Variants in COL6A5 observed in about 807,000 individuals in gnomAD.
COL6A5 encodes the protein collagen type VI alpha 5 chain, also known as collagen alpha-5(VI) chain.
Under a neutral mutation model 65.6 loss-of-function variants are expected in COL6A5, and 48 were observed. That is an observed-to-expected ratio of 0.73 (90% CI 0.58 to 0.93). The LOEUF (loss-of-function observed/expected upper bound fraction) is 0.93, where lower values mean the gene tolerates loss of function less well. COL6A5 is among the 40% of genes least tolerant of loss of function. The pLI is 0.00. For missense variants in COL6A5, 914 were observed against 928.3 expected, an observed-to-expected ratio of 0.98 and a Z score of 0.20; for synonymous variants, 291 against 322.8, an observed-to-expected ratio of 0.90 and a Z score of 1.05.
At chr3:130,418,956 C>T in intron 25 of COL6A5, 25 bp downstream of exon 25, 1 of 1,542,132 alleles carries the variant, frequency 6.5e-7, no homozygotes, top group Non-Finnish European at 8.8e-7. Context: ...AGTCCCTACC[C>T]TCCCCAGATC....
chr3:130,470,784 C>A, intron 6 of COL6A5, 87 bp from the exon 39 acceptor site: 1 of 930,014 alleles, frequency 1.1e-6, no homozygotes, highest in Non-Finnish European at 1.7e-6. Context: ...AAAACACTGC[C>A]AACCACGTGA....
chr3:130,399,818 T>C (rs1007478797), intron 10 of COL6A5, among the ~76,000 whole-genome samples: 1 of 152,000 alleles, frequency 6.6e-6, no homozygotes, highest in African/African-American at 2.4e-5. Context: ...AGTGACACAA[T>C]CTCAGCTCGC....
At chr3:130,365,703 G>A (rs1268036151) in intron 1 of COL6A5, among the ~76,000 whole-genome samples, 1 of 152,144 alleles carries the variant, frequency 6.6e-6, no homozygotes, top group Non-Finnish European at 1.5e-5. Flanking sequence ...GTACCTCTGT[G>A]TTTTCTGTAG....
rs561210927 is a variant in COL6A5 at position 130,469,482 on chromosome 3, G to A, written c.2231+1G>A. On this transcript the variant is annotated splice_donor_variant, in intron 6 of 7. Transcript: ENST00000512836. LOFTEE classifies it high-confidence loss of function. Reference sequence around the variant, plus strand: ...AAGCCATTTGTCCATTTAATCAGACGTAAGTCATTAATTCTCTTTGATTGC... The same window carrying A: ...AAGCCATTTGTCCATTTAATCAGACATAAGTCATTAATTCTCTTTGATTGC... 1.5e-5 allele frequency: 24 copies of A among 1,604,380 alleles called. No individual in the cohort carries two copies. Among genetic ancestry groups the A allele is most frequent in the East Asian group, 6.7e-5 (3 of 44,702 alleles).
chr3:130,433,518 G>A (rs777669934), intron 1 of COL6A5, among the ~76,000 whole-genome samples: 14 of 152,166 alleles, frequency 9.2e-5, no homozygotes, highest in Middle Eastern at 3.4e-3. Context: ...TGCATATCAC[G>A]CCTTGAGCAG....
intron 4 of COL6A5, among the ~76,000 whole-genome samples, chr3:130,453,462 G>A (rs1323975968): frequency 2.6e-5 from 4 of 151,988 alleles, no homozygotes; most frequent in Non-Finnish European, 4.4e-5. Flanking sequence ...CACTGCTGAG[G>A]CACTTATTAC....
At chr3:130,414,731 A>G (rs554877955) in intron 22 of COL6A5, among the ~76,000 whole-genome samples, 1 of 152,090 alleles carries the variant, frequency 6.6e-6, no homozygotes, top group Non-Finnish European at 1.5e-5. Flanking sequence ...TAGTCATCTT[A>G]TGAAGCCCAC....
chr3:130,405,770 C>A, intron 14 of COL6A5, 111 bp downstream of exon 14: 1 of 997,052 alleles, frequency 1.0e-6, no homozygotes, highest in Non-Finnish European at 1.5e-6. Flanking sequence ...TCTCTCTTTT[C>A]CTTTCTCCAG....
chr3:130,473,141 AAATGGAATAGGCCC>A (rs1346392355), intron 7 of COL6A5, among the ~76,000 whole-genome samples: 1 of 151,970 alleles, frequency 6.6e-6, no homozygotes, highest in East Asian at 1.9e-4. Flanking sequence ...TTTTGTTTCA[AAATGGAATAGGCCC>A]ATGTCACTTA....
At chr3:130,443,382 A>T in intron 3 of COL6A5, 94 bp from the exon 36 acceptor site, 1 of 904,048 alleles carries the variant, frequency 1.1e-6, no homozygotes, top group Non-Finnish European at 1.8e-6. Context: ...TAGTGACATT[A>T]GTTGCTTCAA....
chr3:130,346,831 A>G (rs1934495708), intron 1 of COL6A5, among the ~76,000 whole-genome samples: 2 of 152,246 alleles, frequency 1.3e-5, no homozygotes, highest in South Asian at 4.1e-4. Flanking sequence ...TGGAAGATAT[A>G]TATTTACTTT....
rs574872724 is a variant in COL6A5 at position 130,381,765 on chromosome 3, A to G, written c.1300+1715A>G. 2.0e-5 allele frequency among the ~76,000 whole-genome samples: 3 copies of G among 152,208 alleles called. No homozygotes were observed. The South Asian group carries it at 6.2e-4, about 32-fold the overall frequency. ...GAATTTTAATGTTCCAATGATATTAAAGGCTAATTTTGAACTCAGACCAGC... is the reference window on the plus strand; with the variant it reads ...GAATTTTAATGTTCCAATGATATTAGAGGCTAATTTTGAACTCAGACCAGC... On this transcript the variant is annotated intron_variant and NMD_transcript_variant, in intron 4 of 41. Transcript: ENST00000312481.
intron 17 of COL6A5, among the ~76,000 whole-genome samples, chr3:130,407,302 A>G (rs930725842): frequency 6.6e-6 from 1 of 152,170 alleles, no homozygotes; most frequent in African/African-American, 2.4e-5. Flanking sequence ...GAAGAGATCA[A>G]GAGATTGGGA....
chr3:130,354,044 G>C (rs1220074733), intron 1 of COL6A5, among the ~76,000 whole-genome samples: 1 of 148,210 alleles, frequency 6.7e-6, no homozygotes. Flanking sequence ...AGTAGAGAAA[G>C]CAAGAAAAGC....
At chr3:130,369,806 C>T (rs1935483283) in intron 1 of COL6A5, among the ~76,000 whole-genome samples, 1 of 152,192 alleles carries the variant, frequency 6.6e-6, no homozygotes, top group African/African-American at 2.4e-5. Context: ...AATAGCAAGG[C>T]CAGCTGATTG....
chr3:130,405,227 C>G (rs1449503799), intron 13 of COL6A5, among the ~76,000 whole-genome samples: 1 of 152,198 alleles, frequency 6.6e-6, no homozygotes, highest in African/African-American at 2.4e-5. Context: ...GTCAGCAATG[C>G]TGACTCTCCC....
At chr3:130,467,252 G>T (rs892981978) in intron 5 of COL6A5, among the ~76,000 whole-genome samples, 1 of 151,888 alleles carries the variant, frequency 6.6e-6, no homozygotes, top group East Asian at 1.9e-4. Flanking sequence ...AGCTAGGAAG[G>T]CTAATAGGGA....
chr3:130,450,784 G>A (rs186487884), intron 4 of COL6A5, among the ~76,000 whole-genome samples: 154 of 152,198 alleles, frequency 1.0e-3, no homozygotes, highest in African/African-American at 2.9e-3. Context: ...GGTCTGTAGC[G>A]CGTAATTTAT....
intron 12 of COL6A5, among the ~76,000 whole-genome samples, chr3:130,402,458 A>G (rs140532036): frequency 6.1e-4 from 93 of 152,376 alleles, no homozygotes; most frequent in South Asian, 1.2e-3. Flanking sequence ...TGAATGAACT[A>G]CAGCTACACA....
Sources: gnomAD v4.1 joint callset for allele counts (sites outside exome capture counted in the v4.1 genomes callset) on GRCh38, gnomAD v4.1.1 for gene constraint, MANE v1.5 for transcripts, NCBI Gene and HGNC (gene_info 2026-07-23, HGNC 2026-07-21) for gene names.